CDK13: variants seen among roughly 807,000 people sequenced by gnomAD.
CDK13 encodes cyclin-dependent kinase 13.
In CDK13, 40 loss-of-function variants were observed where a neutral mutation model predicts 137.6. The observed-to-expected ratio is 0.29, with a 90% CI of 0.23 to 0.38. CDK13 has a LOEUF of 0.38. CDK13 is among the 10% of genes least tolerant of loss of function. The pLI is 1.00. For synonymous variants in CDK13, 869 were observed against 760.1 expected, an observed-to-expected ratio of 1.14 and a Z score of -2.36; for missense variants, 1,704 against 1,951.8, an observed-to-expected ratio of 0.87 and a Z score of 2.39.
chr7:40,002,042 A>G lies in CDK13; in HGVS notation c.2353+11A>G. The G allele has an allele frequency of 1.3e-6, 2 of 1,552,742 alleles. No individual in the cohort carries two copies. The highest frequency in any genetic ancestry group is 1.7e-6 in the Non-Finnish European group (2 of 1,153,954). ...TCAAGAAGGACAAAGGTATGTGTGC[A>G]TATTTAAATAACGAATTTTTTGTAT... On this transcript the variant is annotated intron_variant, in intron 5 of 13. Coordinates refer to ENST00000181839, the MANE Select transcript of CDK13 (RefSeq NM_003718.5).
intron 9 of CDK13, chr7:40,072,584 C>T (rs956327701): frequency 6.6e-6 from 1 of 152,160 alleles, no homozygotes; most frequent in Non-Finnish European, 1.5e-5. Context: ...TAGTGCAAAT[C>T]AACACATGGA....
In CDK13 at chr7:40,030,422, A is replaced by ATTT. The variant is rs34922492; in HGVS notation, c.2354-15389_2354-15387dup. 7.7e-4 allele frequency among the ~76,000 whole-genome samples: 51 copies of ATTT among 66,002 alleles called. 4 individuals are homozygous for ATTT. Among genetic ancestry groups the ATTT allele is most frequent in the Admixed American group, 1.7e-3 (8 of 4,610 alleles). 43.3% of individuals were successfully genotyped at this position (66,002 alleles called of 152,430 possible). A position where few individuals can be genotyped will look rare whatever the true frequency, so the allele number is the denominator to read the frequency against. On this transcript the variant is annotated intron_variant, in intron 5 of 13. Coordinates refer to ENST00000181839, the MANE Select transcript of CDK13 (RefSeq NM_003718.5). Reference sequence around the variant, plus strand: ...ACCCCTGCAACTCTGGCAACCACTGATTTTTTTTTTTTTTTTTTTTTTTTT... The same window carrying ATTT: ...ACCCCTGCAACTCTGGCAACCACTGATTTTTTTTTTTTTTTTTTTTTTTTTTTT...
At chr7:40,004,337 C>G (rs571486453) in intron 5 of CDK13, among the ~76,000 whole-genome samples, 16 of 152,240 alleles carry the variant, frequency 1.1e-4, no homozygotes, top group African/African-American at 3.6e-4. Context: ...GTTATTTGCA[C>G]CCTTCATCAT....
rs146472706 is a variant in CDK13, at chr7:39,996,582, G to A, written c.1872-912G>A. Among the ~76,000 whole-genome samples the A allele has an allele frequency of 4.4e-3, 668 of 152,152 alleles. 2 individuals carry two copies. The highest frequency in any genetic ancestry group is 0.015 in the African/African-American group (624 of 41,508). ...AGAAAAATTAATTAACCCTGAAAAG[G>A]GTCAAAGCTGAATTAGCTGTTGCTT... On this transcript the variant is annotated intron_variant, in intron 2 of 13. Coordinates refer to ENST00000181839, the MANE Select transcript of CDK13 (RefSeq NM_003718.5).
At chr7:40,078,657 C>A in intron 10 of CDK13, 63 bp from the exon 11 acceptor site, 2 of 1,040,622 alleles carry the variant, frequency 1.9e-6, no homozygotes, top group Non-Finnish European at 2.6e-6. Flanking sequence ...AATTTAAGCT[C>A]CTAAAGAAAC....
chr7:39,994,733 A>G (rs1377471299), intron 2 of CDK13, among the ~76,000 whole-genome samples: 3 of 152,150 alleles, frequency 2.0e-5, no homozygotes, highest in African/African-American at 7.2e-5. Flanking sequence ...AAAACATTGG[A>G]TAGACTGAGT....
chr7:40,060,051 A>G (rs17171651), intron 7 of CDK13, among the ~76,000 whole-genome samples: 6,146 of 152,242 alleles, frequency 0.04, 360 homozygotes, highest in African/African-American at 0.13. Flanking sequence ...AAAATTTACT[A>G]TTTTCACGTC....
At chr7:40,064,364 G>A (rs972052120) in intron 9 of CDK13, among the ~76,000 whole-genome samples, 2 of 151,178 alleles carry the variant, frequency 1.3e-5, no homozygotes, top group Non-Finnish European at 1.5e-5. Flanking sequence ...AAATTTCCAT[G>A]AAAGTTTCAA....
intron 1 of CDK13, 167 bp downstream of exon 1, chr7:39,952,019 C>G (rs1325565480): frequency 5.0e-6 from 3 of 601,856 alleles, no homozygotes; most frequent in African/African-American, 3.8e-5. Context: ...GCGCGTGACA[C>G]TTTTTTAGGG....
chr7:40,078,926 A>T, intron 11 of CDK13, 75 bp downstream of exon 11: 1 of 472,258 alleles, frequency 2.1e-6, no homozygotes, highest in Non-Finnish European at 3.0e-6. Flanking sequence ...TTAATAACAT[A>T]TATAATAAGA....
chr7:40,085,991 G>A (rs76737065), intron 11 of CDK13, among the ~76,000 whole-genome samples: 2,349 of 152,096 alleles, frequency 0.015, 24 homozygotes, highest in South Asian at 0.04. Context: ...CTCCACCTGA[G>A]GTAACCATCA....
chr7:39,956,459 T>C (rs1025526977), intron 1 of CDK13, among the ~76,000 whole-genome samples: 1 of 152,262 alleles, frequency 6.6e-6, no homozygotes, highest in Non-Finnish European at 1.5e-5. Flanking sequence ...CTAGACTTCA[T>C]GTTACTGTGA....
rs1381623360 is a variant in CDK13, at chr7:40,099,454, C to T, written c.*4474C>T. Reference sequence around the variant, plus strand: ...TGTTTAAAAGTGTTGTACTCTCTTGCAAGAACGTTTAAAAGTTAAGTCTTG... The same window carrying T: ...TGTTTAAAAGTGTTGTACTCTCTTGTAAGAACGTTTAAAAGTTAAGTCTTG... On this transcript the variant is annotated 3_prime_UTR_variant, in exon 14 of 14. Coordinates refer to ENST00000181839, the MANE Select transcript of CDK13 (RefSeq NM_003718.5). 6.6e-6 allele frequency: 1 copy of T among 152,154 alleles called. No individual in the cohort carries two copies. Among genetic ancestry groups the T allele is most frequent in the Non-Finnish European group, 1.5e-5 (1 of 68,018 alleles). The allele number at this position is 152,154 out of a possible 1,614,324, so 9.4% of individuals were successfully genotyped here. A position where few individuals can be genotyped will look rare whatever the true frequency, so the allele number is the denominator to read the frequency against.
At chr7:40,090,487 G>T (rs1786896905) in intron 12 of CDK13, among the ~76,000 whole-genome samples, 1 of 152,142 alleles carries the variant, frequency 6.6e-6, no homozygotes, top group Admixed American at 6.5e-5. Context: ...CAGAGTAACT[G>T]GGATTACAGG....
At chr7:40,028,558 G>A (rs1171546404) in intron 5 of CDK13, among the ~76,000 whole-genome samples, 1 of 151,878 alleles carries the variant, frequency 6.6e-6, no homozygotes, top group African/African-American at 2.4e-5. Flanking sequence ...ACCTGTTGGT[G>A]GGCAGATACT....
intron 5 of CDK13, among the ~76,000 whole-genome samples, chr7:40,023,994 G>C (rs1785184924): frequency 6.6e-6 from 1 of 152,134 alleles, no homozygotes; most frequent in African/African-American, 2.4e-5. Flanking sequence ...AGAAGATATT[G>C]CTTCATTTTC....
intron 1 of CDK13, among the ~76,000 whole-genome samples, chr7:39,969,479 T>C (rs1783947452): frequency 6.6e-6 from 1 of 152,258 alleles, no homozygotes; most frequent in African/African-American, 2.4e-5. Flanking sequence ...GCAAAGCTAC[T>C]GAACATTTGA....
chr7:40,016,555 C>T (rs533129918), intron 5 of CDK13, among the ~76,000 whole-genome samples: 1 of 152,198 alleles, frequency 6.6e-6, no homozygotes, highest in Admixed American at 6.5e-5. Flanking sequence ...TGTTGAAAGT[C>T]AGATGTTAAA....
chr7:39,951,752 A>G lies in CDK13; in HGVS notation c.1111A>G (p.Ser371Gly), dbSNP rs1787224133. 1.3e-6 allele frequency: 2 copies of G among 1,493,322 alleles called. No individual in the cohort carries two copies. Among genetic ancestry groups the G allele is most frequent in the African/African-American group, 2.9e-5 (2 of 68,872 alleles). The allele number at this position is 1,493,322 out of a possible 1,614,324, so 92.5% of individuals were successfully genotyped here. Reference sequence around the variant, plus strand: ...CAGTCGCCGCCGCTCCCCCAGCTACAGCCGCCACAGCTCCTACGAGCGGGG... The same window carrying G: ...CAGTCGCCGCCGCTCCCCCAGCTACGGCCGCCACAGCTCCTACGAGCGGGG... Reference protein sequence around the residue: ...PYSRRRSPSYSRHSSYERGGD... With the variant: ...PYSRRRSPSYGRHSSYERGGD... The change falls in exon 1 of 14, where the codon AGC (serine) becomes GGC (glycine). Residue 371 changes from serine (S) to glycine (G), a missense_variant. Physicochemically the swap from Ser to Gly is moderately conservative, Grantham distance 56. Around this residue, in one of 5 missense-constraint regions of CDK13, gnomAD observed 1,051 missense variants for 931.0 expected, o/e 1.13. Transcript: ENST00000181839.
Sources: allele counts gnomAD v4.1 joint callset (sites outside exome capture counted in the v4.1 genomes callset), GRCh38; gene constraint gnomAD v4.1.1; regional missense constraint gnomAD v4.1.1; transcripts MANE v1.5; gene names NCBI Gene and HGNC (gene_info 2026-07-23, HGNC 2026-07-21).